The following RASSF9 variants were observed in gnomAD, a reference collection of about 807,000 sequenced individuals.
RASSF9 encodes ras association domain-containing protein 9.
In RASSF9, 18 loss-of-function variants were observed where a neutral mutation model predicts 21.4. The ratio of observed to expected loss-of-function variants is 0.84; its 90% CI spans 0.58 to 1.25. The LOEUF (loss-of-function observed/expected upper bound fraction) is 1.25. Among genes scored for constraint, RASSF9 ranks in the 50% most tolerant of loss-of-function variants. RASSF9 has a pLI of 0.00. For missense variants in RASSF9, 480 were observed against 503.2 expected (o/e 0.95, Z 0.44); for synonymous variants, 183 against 179.1 (o/e 1.02, Z -0.18).
chr12:85,827,963 A>T (rs950010204), intron 1 of RASSF9, among the ~76,000 whole-genome samples: 5 of 152,204 alleles, frequency 3.3e-5, no homozygotes, highest in African/African-American at 9.6e-5. Context: ...TATCCTTAGC[A>T]TCTAGAAAAA....
chr12:85,812,699 A>G (rs1419482966), intron 1 of RASSF9, among the ~76,000 whole-genome samples: 1 of 151,594 alleles, frequency 6.6e-6, no homozygotes, highest in Non-Finnish European at 1.5e-5. Context: ...TGGAAAATAT[A>G]CTGTATAAAT....
At chr12:85,813,895 A>G (rs1254104128) in intron 1 of RASSF9, among the ~76,000 whole-genome samples, 1 of 152,076 alleles carries the variant, frequency 6.6e-6, no homozygotes, top group Non-Finnish European at 1.5e-5. Context: ...TTTTCCATAG[A>G]ACATATGAAA....
chr12:85,811,357 A>T (rs1879949055), intron 1 of RASSF9, among the ~76,000 whole-genome samples: 1 of 151,844 alleles, frequency 6.6e-6, no homozygotes, highest in Non-Finnish European at 1.5e-5. Context: ...GATACTCTGG[A>T]AGGGAGTAAC....
At chr12:85,826,288 T>G (rs1389446275) in intron 1 of RASSF9, among the ~76,000 whole-genome samples, 1 of 152,166 alleles carries the variant, frequency 6.6e-6, no homozygotes, top group Non-Finnish European at 1.5e-5. Context: ...CGAATGGTTC[T>G]TTTTTCCATC....
chr12:85,804,582 T>A lies in RASSF9; in HGVS notation c.*120A>T, dbSNP rs1485988647. The A allele has an allele frequency of 9.0e-6, 9 of 995,906 alleles. No homozygotes were observed. The East Asian group carries it at 2.6e-4, about 28-fold the overall frequency. The allele number at this position is 995,906 out of a possible 1,614,324, so 61.7% of individuals were successfully genotyped here. ...AACAACACATTTCTCGAGTTTTTAT[T>A]AACTATTGAATACTACAATATGATT... On this transcript the variant is annotated 3_prime_UTR_variant, in exon 2 of 2. Coordinates refer to ENST00000361228, the MANE Select transcript of RASSF9 (RefSeq NM_005447.4).
chr12:85,830,916 T>TCAATGTTGTGTTTGGC (rs1196138885), intron 1 of RASSF9, among the ~76,000 whole-genome samples: 1 of 152,104 alleles, frequency 6.6e-6, no homozygotes, highest in Non-Finnish European at 1.5e-5. Context: ...ACTTAAGAAA[T>TCAATGTTGTGTTTGGC]CAATGTTGTG....
At position 85,805,584 on chromosome 12, in the gene RASSF9, C is replaced by G. The variant is rs1879808987; in HGVS notation, c.426G>C (p.Glu142Asp). The G allele has an allele frequency of 6.2e-7, 1 of 1,613,792 alleles. No individual in the cohort carries two copies. Among genetic ancestry groups the G allele is most frequent in the Non-Finnish European group, 8.5e-7 (1 of 1,179,898 alleles). The part of the protein sequence containing the change: ...KLVQNTEKLW[E>D]LSPANYMKTL... ...TCTTCATGTAGTTTGCTGGGCTGAG[C>G]TCCCACAATTTTTCTGTGTTTTGCA... The change falls in exon 2 of 2, where the codon GAG (glutamate) becomes GAC (aspartate). Residue 142 changes from glutamate (E) to aspartate (D), a missense_variant. Physicochemically the swap from Glu to Asp is conservative, Grantham distance 45. Transcript: ENST00000361228.
intron 1 of RASSF9, among the ~76,000 whole-genome samples, chr12:85,831,153 T>G (rs1227927879): frequency 1.3e-5 from 2 of 152,044 alleles, no homozygotes; most frequent in Non-Finnish European, 2.9e-5. Context: ...TACTTCAACC[T>G]TATTTCATTT....
intron 1 of RASSF9, among the ~76,000 whole-genome samples, chr12:85,809,961 T>C (rs1200811601): frequency 6.6e-6 from 1 of 151,988 alleles, no homozygotes; most frequent in Non-Finnish European, 1.5e-5. Context: ...CTTTTTTAAA[T>C]CTGCCCCGAA....
At position 85,805,086 on chromosome 12, in the gene RASSF9, A is replaced by G. The variant is rs769027211; in HGVS notation, c.924T>C (p.Ser308=). ...INEDAEGEAA[S]ELESSNLESV... is the part of the protein sequence containing the mutation. ...TCTCTAAATTAGAGCTTTCCAGTTC[A>G]CTTGCAGCTTCCCCTTCCGCATCTT... The change falls in exon 2 of 2, where the codon AGT becomes AGC. Residue 308 remains serine, a synonymous_variant. Transcript: ENST00000361228. 5.6e-6 allele frequency: 9 copies of G among 1,613,872 alleles called. No individual in the cohort carries two copies. Among genetic ancestry groups the G allele is most frequent in the Admixed American group, 3.3e-5 (2 of 59,994 alleles).
intron 1 of RASSF9, among the ~76,000 whole-genome samples, chr12:85,814,091 A>G (rs1295948366): frequency 2.0e-5 from 3 of 151,992 alleles, no homozygotes; most frequent in East Asian, 3.9e-4. Flanking sequence ...ATGCCTAGAG[A>G]TTGTGATGGA....
At chr12:85,817,527 C>T (rs1880101459) in intron 1 of RASSF9, among the ~76,000 whole-genome samples, 2 of 151,832 alleles carry the variant, frequency 1.3e-5, no homozygotes, top group Non-Finnish European at 2.9e-5. Context: ...AGAATAAATG[C>T]TTAAATGTAC....
chr12:85,807,068 G>A (rs1489824724), intron 1 of RASSF9, among the ~76,000 whole-genome samples: 2 of 152,146 alleles, frequency 1.3e-5, no homozygotes, highest in Non-Finnish European at 2.9e-5. Context: ...AATAGAAAAC[G>A]ACCTGGAAGA....
chr12:85,814,457 C>T (rs1880018743), intron 1 of RASSF9, among the ~76,000 whole-genome samples: 1 of 152,028 alleles, frequency 6.6e-6, no homozygotes, highest in South Asian at 2.1e-4. Context: ...AATAGTGGCA[C>T]TGCTGAAAAG....
chr12:85,805,393 T>C lies in RASSF9; in HGVS notation c.617A>G (p.Glu206Gly). ...TIHQQVKRMK[E>G]LDLEIEKCEA... ...ACACTTTTCAATTTCCAGATCCAGC[T>C]CTTTCATTCTCTTGACTTGCTGATG... Residue 206 changes from glutamate (E) to glycine (G), a missense_variant, in exon 2 of 2, where the codon GAG (glutamate) becomes GGG (glycine). By Grantham distance (98) the Glu-to-Gly change is moderately conservative. Transcript: ENST00000361228. 1 of 1,613,612 alleles carries C rather than the reference T, an allele frequency of 6.2e-7. No homozygotes were observed. The highest frequency in any genetic ancestry group is 8.5e-7 in the Non-Finnish European group (1 of 1,179,722).
chr12:85,824,522 C>T lies in RASSF9; in HGVS notation c.47+11633G>A, dbSNP rs76733598. Reference sequence around the variant, plus strand: ...ATTTGTGCCCCGTAATCTTACCAGACTGTCATTTTTAAACTGCAAATCTAT... The same window carrying T: ...ATTTGTGCCCCGTAATCTTACCAGATTGTCATTTTTAAACTGCAAATCTAT... On this transcript the variant is annotated intron_variant, in intron 1 of 1. Coordinates refer to ENST00000361228, the MANE Select transcript of RASSF9 (RefSeq NM_005447.4). 0.019 allele frequency among the ~76,000 whole-genome samples: 2,912 copies of T among 152,274 alleles called. 216 individuals carry two copies. In the East Asian group the frequency reaches 0.25, roughly 13 times the overall value.
At chr12:85,821,740 A>G (rs1246937832) in intron 1 of RASSF9, among the ~76,000 whole-genome samples, 2 of 152,190 alleles carry the variant, frequency 1.3e-5, no homozygotes, top group African/African-American at 4.8e-5. Context: ...AAGTAATATT[A>G]TAAACCAGTC....
chr12:85,804,788 C>T lies in RASSF9; in HGVS notation c.1222G>A (p.Asp408Asn), dbSNP rs1879780415. ...TQRVFSNYTN[D>N]TDSDTGISSN... ...CTGATACCAGTGTCCGAGTCTGTGT[C>T]ATTTGTGTAATTGCTAAATACTCTT... Residue 408 changes from aspartate to asparagine, a missense_variant, in exon 2 of 2, where the codon GAC (aspartate) becomes AAC (asparagine). Asp to Asn is a conservative substitution (Grantham distance 23). Coordinates refer to ENST00000361228, the MANE Select transcript of RASSF9 (RefSeq NM_005447.4). 6.2e-7 allele frequency: 1 copy of T among 1,613,622 alleles called. No homozygotes were observed. Among genetic ancestry groups the T allele is most frequent in the Non-Finnish European group, 8.5e-7 (1 of 1,179,652 alleles).
In RASSF9 at chr12:85,805,334, C is replaced by T; in HGVS notation, c.676G>A (p.Asp226Asn). The T allele has an allele frequency of 6.2e-7, 1 of 1,613,576 alleles. No individual in the cohort carries two copies. Among genetic ancestry groups the T allele is most frequent in the Non-Finnish European group, 8.5e-7 (1 of 1,179,878 alleles). Reference sequence around the variant, plus strand: ...GCATCCTGAACATAGTTTTCTCCATCATTTTCTACTCGATCAAGATGGAAC... The same window carrying T: ...GCATCCTGAACATAGTTTTCTCCATTATTTTCTACTCGATCAAGATGGAAC... ...AKFHLDRVEN[D>N]GENYVQDAYL... The change falls in exon 2 of 2, where the codon GAT (aspartate) becomes AAT (asparagine). Residue 226 changes from aspartate to asparagine, a missense_variant. Asp to Asn is a conservative substitution (Grantham distance 23). Coordinates refer to ENST00000361228, the MANE Select transcript of RASSF9 (RefSeq NM_005447.4).
Sources: allele counts gnomAD v4.1 joint callset (sites outside exome capture counted in the v4.1 genomes callset), GRCh38; gene constraint gnomAD v4.1.1; transcripts MANE v1.5; gene names NCBI Gene and HGNC (gene_info 2026-07-23, HGNC 2026-07-21).